CCDC183: variants seen among roughly 807,000 people sequenced by gnomAD.
CCDC183 encodes coiled-coil domain containing 183.
A neutral mutation model predicts 65.2 loss-of-function variants in CCDC183; 63 were observed. The ratio of observed to expected loss-of-function variants is 0.97; its 90% CI spans 0.79 to 1.19. The LOEUF (loss-of-function observed/expected upper bound fraction) is 1.19. Among genes scored for constraint, CCDC183 ranks in the 50% most tolerant of loss-of-function variants. The pLI, the probability that CCDC183 is intolerant of heterozygous loss-of-function variation, is 0.00. For synonymous variants in CCDC183, 323 were observed against 276.5 expected (o/e 1.17, Z -1.67); for missense variants, 769 against 689.3 (o/e 1.12, Z -1.30).
rs780569595 is a variant in CCDC183 at position 136,804,654 on chromosome 9, G to A, written c.792+27G>A. On this transcript the variant is annotated intron_variant, in intron 7 of 13. Transcript: ENST00000338005. This position sits in a 1 kb window ranked among gnomAD's most constrained non-coding sequence, Gnocchi z 4.1. ...TAAGCCCCAGGCCAGGGCCTGGCTG[G>A]CTGCCCATCCCCATGACAGCTGGGT... 1 of 1,613,084 alleles carries A rather than the reference G, an allele frequency of 6.2e-7. No individual in the cohort carries two copies. The highest frequency in any genetic ancestry group is 1.7e-4 in the Middle Eastern group (1 of 6,054).
chr9:136,802,041 C>T (rs566476899), intron 5 of CCDC183, among the ~76,000 whole-genome samples: 6 of 152,246 alleles, frequency 3.9e-5, no homozygotes, highest in East Asian at 3.9e-4. Context: ...TGCCTGCCTC[C>T]GGCCTCCCAG....
At position 136,804,628 on chromosome 9, in the gene CCDC183, G is replaced by A; in HGVS notation, c.792+1G>A. ...GGAGACCAGCGAGAAGTACCGCCGG[G>A]TAAGCCCCAGGCCAGGGCCTGGCTG... On this transcript the variant is annotated splice_donor_variant, in intron 7 of 13. Transcript: ENST00000338005. LOFTEE classifies it high-confidence loss of function. The surrounding 1 kb of genome is among the most constrained non-coding windows in gnomAD (Gnocchi z 4.1). The A allele has an allele frequency of 6.2e-7, 1 of 1,613,662 alleles. No individual in the cohort carries two copies. Among genetic ancestry groups the A allele is most frequent in the Non-Finnish European group, 8.5e-7 (1 of 1,179,930 alleles).
At chr9:136,800,302 A>C in intron 4 of CCDC183, 87 bp from the exon 5 acceptor site, 1 of 1,459,892 alleles carries the variant, frequency 6.8e-7, no homozygotes, top group Non-Finnish European at 9.3e-7. Flanking sequence ...CTAAGAGAGC[A>C]CGACCCTCTC....
chr9:136,800,279 G>A lies in CCDC183; in HGVS notation c.438+110G>A, dbSNP rs964563175. The A allele has an allele frequency of 8.4e-6, 12 of 1,433,276 alleles. No individual in the cohort carries two copies. In the African/African-American group the frequency reaches 1.3e-4, roughly 15 times the overall value. The allele number at this position is 1,433,276 out of a possible 1,614,324, so 88.8% of individuals were successfully genotyped here. A position where few individuals can be genotyped will look rare whatever the true frequency, so the allele number is the denominator to read the frequency against. On this transcript the variant is annotated intron_variant, in intron 4 of 13. Transcript: ENST00000338005. ...TGCGGGTCCCCTGGGGAGGGCTCAC[G>A]GGAGGGGCGGGGCTAAGAGAGCACG...
At chr9:136,806,945 G>C in intron 12 of CCDC183, 25 bp from the exon 13 acceptor site, 2 of 1,613,502 alleles carry the variant, frequency 1.2e-6, no homozygotes, top group Non-Finnish European at 1.7e-6. Flanking sequence ...GTGTCTGCAC[G>C]GCTGAAGGGG....
chr9:136,799,030 C>G, intron 1 of CCDC183, 72 bp from the exon 2 acceptor site: 2 of 1,595,408 alleles, frequency 1.3e-6, no homozygotes, highest in Non-Finnish European at 1.7e-6. Flanking sequence ...CTGATGCAAG[C>G]CTCCCCCAGG....
Position 136,799,450 on chromosome 9 carries a change from C to T in CCDC183, c.192+227C>T, listed in dbSNP as rs1247384270. On this transcript the variant is annotated intron_variant, in intron 2 of 13. Transcript: ENST00000338005. ...ACCCGAGGGCTTGGCATCTGTGAGC[C>T]CACATCCTGCAGCAGGGGCCCCCTC... The T allele has an allele frequency of 5.1e-6, 4 of 788,214 alleles. No individual in the cohort carries two copies. In the African/African-American group the frequency reaches 7.0e-5, roughly 14 times the overall value. 48.8% of individuals were successfully genotyped at this position (788,214 alleles called of 1,614,324 possible). A position where few individuals can be genotyped will look rare whatever the true frequency, so the allele number is the denominator to read the frequency against.
In CCDC183 at chr9:136,804,550, A is replaced by G. The variant is rs756037555; in HGVS notation, c.715A>G (p.Arg239Gly). Residue 239 changes from arginine to glycine, a missense_variant, in exon 7 of 14, where the codon AGG becomes GGG. Coordinates refer to ENST00000338005, the MANE Select transcript of CCDC183 (RefSeq NM_001039374.5). The surrounding 1 kb of genome is among the most constrained non-coding windows in gnomAD (Gnocchi z 4.1). ...GTCCTTCATCGAGGAGCGCCGGGCAAGGGAGAACCGGCTCAACCAGCAGAA... is the reference window on the plus strand; with the variant it reads ...GTCCTTCATCGAGGAGCGCCGGGCAGGGGAGAACCGGCTCAACCAGCAGAA... ...EASFIEERRARENRLNQQKKL... is the reference protein window; with the variant it reads ...EASFIEERRAGENRLNQQKKL... The G allele has an allele frequency of 6.2e-7, 1 of 1,613,572 alleles. No homozygotes were observed. The highest frequency in any genetic ancestry group is 8.5e-7 in the Non-Finnish European group (1 of 1,179,936).
At position 136,806,090 on chromosome 9, in the gene CCDC183, C is replaced by G. The variant is rs1029437883; in HGVS notation, c.961C>G (p.Arg321Gly). 5 of 1,550,598 alleles carry G rather than the reference C, an allele frequency of 3.2e-6. No homozygotes were observed. The highest frequency in any genetic ancestry group is 1.2e-5 in the South Asian group (1 of 84,050). ...RCSHVWDITSRFLAQRNTEEN... is the reference protein window; with the variant it reads ...RCSHVWDITSGFLAQRNTEEN... ...CCGGACTGGCCAGGACATCACTAGC[C>G]GCTTCCTGGCCCAGAGGAACACGGA... is the stretch of plus-strand genomic sequence containing the variant. Residue 321 changes from arginine to glycine, a missense_variant, in exon 10 of 14, where the codon CGC (arginine) becomes GGC (glycine). By Grantham distance (125) the Arg-to-Gly change is moderately radical. Transcript: ENST00000338005.
chr9:136,804,948 T>C lies in CCDC183; in HGVS notation c.847+132T>C. ...TCGCCAGGGTGAAGGGAAGGACAGG[T>C]CCCTGCCTCTCCCTCCAGAGGCTGA... On this transcript the variant is annotated intron_variant, in intron 8 of 13. Coordinates refer to ENST00000338005, the MANE Select transcript of CCDC183 (RefSeq NM_001039374.5). The surrounding 1 kb of genome is among the most constrained non-coding windows in gnomAD (Gnocchi z 4.1). 1.1e-5 allele frequency: 8 copies of C among 721,224 alleles called. No individual in the cohort carries two copies. The highest frequency in any genetic ancestry group is 1.8e-5 in the Non-Finnish European group (8 of 433,408). 44.7% of individuals were successfully genotyped at this position (721,224 alleles called of 1,614,324 possible). A position where few individuals can be genotyped will look rare whatever the true frequency, so the allele number is the denominator to read the frequency against.
rs530882622 is a variant in CCDC183 at position 136,804,489 on chromosome 9, C to G, written c.667-13C>G. ...ACAGCTCCCCAACCCTGTGCCCACC[C>G]GCATGTCCCCAGAGGAACATGAGGC... On this transcript the variant is annotated splice_polypyrimidine_tract_variant and intron_variant, in intron 6 of 13. Coordinates refer to ENST00000338005, the MANE Select transcript of CCDC183 (RefSeq NM_001039374.5). The surrounding 1 kb of genome is among the most constrained non-coding windows in gnomAD (Gnocchi z 4.1). 1 of 1,610,550 alleles carries G rather than the reference C, an allele frequency of 6.2e-7. No homozygotes were observed. The highest frequency in any genetic ancestry group is 8.5e-7 in the Non-Finnish European group (1 of 1,179,164).
chr9:136,799,934 C>A (rs910348830), intron 3 of CCDC183, 68 bp from the exon 4 acceptor site: 4 of 1,536,672 alleles, frequency 2.6e-6, no homozygotes, highest in Non-Finnish European at 3.5e-6. Context: ...TCCACCCGCC[C>A]GCCTGCTGGC....
chr9:136,801,861 C>T (rs1378300825), intron 5 of CCDC183, among the ~76,000 whole-genome samples: 1 of 145,854 alleles, frequency 6.9e-6, no homozygotes, highest in African/African-American at 2.5e-5. Flanking sequence ...GATCTCGGCT[C>T]ACTGCAACCT....
chr9:136,799,453 C>A, intron 2 of CCDC183: 1 of 776,552 alleles, frequency 1.3e-6, no homozygotes, highest in Non-Finnish European at 2.0e-6. Flanking sequence ...TGTGAGCCCA[C>A]ATCCTGCAGC....
Position 136,800,017 on chromosome 9 carries a change from C to A in CCDC183, c.286C>A (p.Leu96Met). 6.3e-7 allele frequency: 1 copy of A among 1,589,816 alleles called. No individual in the cohort carries two copies. Among genetic ancestry groups the A allele is most frequent in the Non-Finnish European group, 8.6e-7 (1 of 1,169,010 alleles). Reference protein sequence around the residue: ...RSTMEVVREKLRKYVFDRVNM... With the variant: ...RSTMEVVREKMRKYVFDRVNM... ...CCCGACCCAGGTGGTGCGGGAGAAG[C>A]TGCGCAAGTACGTCTTCGACCGCGT... The change falls in exon 4 of 14, where the codon CTG becomes ATG. Residue 96 changes from leucine (L) to methionine (M), a missense_variant. By Grantham distance (15) the Leu-to-Met change is conservative. Transcript: ENST00000338005.
rs1247203334 is a variant in CCDC183 at position 136,806,968 on chromosome 9, A to T, written c.1390-2A>T. ...ACGGCTGAAGGGGGCTTTGCCCTGCAGGGCGACACAAAGGTGAGGGACACC... is the reference window on the plus strand; with the variant it reads ...ACGGCTGAAGGGGGCTTTGCCCTGCTGGGCGACACAAAGGTGAGGGACACC... On this transcript the variant is annotated splice_acceptor_variant, in intron 12 of 13. Coordinates refer to ENST00000338005, the MANE Select transcript of CCDC183 (RefSeq NM_001039374.5). LOFTEE classifies it high-confidence loss of function. 3 of 1,613,568 alleles carry T rather than the reference A, an allele frequency of 1.9e-6. No homozygotes were observed. Among genetic ancestry groups the T allele is most frequent in the Admixed American group, 3.3e-5 (2 of 60,004 alleles).
chr9:136,800,197 G>A (rs772517365), intron 4 of CCDC183, 28 bp downstream of exon 4: 4 of 1,282,286 alleles, frequency 3.1e-6, no homozygotes, highest in Non-Finnish European at 4.3e-6. Flanking sequence ...GGAGGGCGGG[G>A]CGGAGTCCAC....
Position 136,807,054 on chromosome 9 carries a change from G to T in CCDC183, c.1474G>T (p.Glu492Ter). 1 of 1,613,264 alleles carries T rather than the reference G, an allele frequency of 6.2e-7. No individual in the cohort carries two copies. Among genetic ancestry groups the T allele is most frequent in the South Asian group, 1.1e-5 (1 of 91,064 alleles). The change falls in exon 13 of 14, where the codon GAG becomes TAG. Residue 492 changes from glutamate to a stop codon, truncating the protein, a stop_gained. Transcript: ENST00000338005. LOFTEE classifies it high-confidence loss of function. The part of the protein sequence containing the change: ...NTRISFENRE[E>*]DMIDTFQFPD... ...CAGGATCAGCTTTGAGAACCGGGAG[G>T]AGGATATGATCGGTACAGGCCCCGG... is the stretch of plus-strand genomic sequence containing the variant.
intron 1 of CCDC183, among the ~76,000 whole-genome samples, chr9:136,797,212 G>T (rs925691536): frequency 4.6e-5 from 7 of 152,152 alleles, no homozygotes; most frequent in Non-Finnish European, 1.5e-5. Context: ...GCACATCTGG[G>T]CATAGTACCT....
Sources: allele counts gnomAD v4.1 joint callset (sites outside exome capture counted in the v4.1 genomes callset), GRCh38; gene constraint gnomAD v4.1.1; non-coding constraint Gnocchi (gnomAD v3.1); transcripts MANE v1.5; gene names NCBI Gene and HGNC (gene_info 2026-07-23, HGNC 2026-07-21).